TECTA: variants seen among roughly 807,000 people sequenced by gnomAD.
The protein encoded by TECTA is tectorin alpha, also known as alpha-tectorin.
Under a neutral mutation model 216.8 loss-of-function variants are expected in TECTA, and 128 were observed. That is an observed-to-expected ratio of 0.59 (90% CI 0.51 to 0.68). The LOEUF (loss-of-function observed/expected upper bound fraction) is 0.68, where lower values mean the gene tolerates loss of function less well. Among genes scored for constraint, TECTA ranks in the 30% least tolerant of loss-of-function variants. The pLI is 0.00. For missense variants in TECTA, 2,551 were observed against 2,786.2 expected (o/e 0.92, Z 1.90); for synonymous variants, 1,089 against 1,117.1 (o/e 0.97, Z 0.50).
At position 121,178,517 on chromosome 11, in the gene TECTA, A is replaced by AGTGTGTGTGTGTGT. The variant is rs3222565; in HGVS notation, c.6000-9283_6000-9270dup. On this transcript the variant is annotated intron_variant, in intron 20 of 23. Transcript: ENST00000392793. ...TATGTTTAGATATTGGCTTGTAGTT[A>AGTGTGTGTGTGTGT]GTGTGTGTGTGTGTGTGTGTGTGTG... Among the ~76,000 whole-genome samples the AGTGTGTGTGTGTGT allele has an allele frequency of 4.1e-3, 527 of 127,260 alleles. 5 individuals carry two copies. Among genetic ancestry groups the AGTGTGTGTGTGTGT allele is most frequent in the Non-Finnish European group, 5.8e-3 (347 of 60,006 alleles). The allele number at this position is 127,260 out of a possible 152,430, so 83.5% of individuals were successfully genotyped here.
Position 121,106,221 on chromosome 11 carries a change from G to A in TECTA, c.198+257G>A, listed in dbSNP as rs560564439. 4.6e-5 allele frequency among the ~76,000 whole-genome samples: 7 copies of A among 152,264 alleles called. No individual in the cohort carries two copies. In the East Asian group the frequency reaches 1.3e-3, roughly 29 times the overall value. Reference sequence around the variant, plus strand: ...TTTGTCAGTGATTAAACATAGAAGTGAAGCAGAAGCCCCAATGCCATGAAT... The same window carrying A: ...TTTGTCAGTGATTAAACATAGAAGTAAAGCAGAAGCCCCAATGCCATGAAT... On this transcript the variant is annotated intron_variant, in intron 3 of 23. Coordinates refer to ENST00000392793, the MANE Select transcript of TECTA (RefSeq NM_005422.4).
At chr11:121,103,533 G>A (rs1056655726) in intron 2 of TECTA, among the ~76,000 whole-genome samples, 1 of 151,832 alleles carries the variant, frequency 6.6e-6, no homozygotes, top group Non-Finnish European at 1.5e-5. Flanking sequence ...GAGGGCCCTT[G>A]ACTTCAACCT....
chr11:121,170,217 G>C (rs978381148), intron 20 of TECTA, among the ~76,000 whole-genome samples: 2 of 152,106 alleles, frequency 1.3e-5, no homozygotes, highest in African/African-American at 4.8e-5. Flanking sequence ...GTATTCCCTT[G>C]TGTATATATA....
chr11:121,181,344 T>C (rs537976555), intron 20 of TECTA, among the ~76,000 whole-genome samples: 21 of 152,222 alleles, frequency 1.4e-4, no homozygotes, highest in African/African-American at 4.3e-4. Flanking sequence ...TTGTATTGTT[T>C]ATTTGTGTTT....
Position 121,113,270 on chromosome 11 carries a change from G to C in TECTA, c.624+61G>C. 1.2e-6 allele frequency: 2 copies of C among 1,611,434 alleles called. No homozygotes were observed. On this transcript the variant is annotated intron_variant, in intron 5 of 23. Coordinates refer to ENST00000392793, the MANE Select transcript of TECTA (RefSeq NM_005422.4). The surrounding 1 kb of genome is among the most constrained non-coding windows in gnomAD (Gnocchi z 4.2). ...CGTCGCTGCACTCTCTGCTTCTGTG[G>C]CTCAGCATCCTGGAGGGAATCCTGC...
intron 4 of TECTA, among the ~76,000 whole-genome samples, chr11:121,111,660 G>A (rs1434318958): frequency 6.6e-6 from 1 of 152,174 alleles, no homozygotes; most frequent in Non-Finnish European, 1.5e-5. Context: ...CCTTCTGAAG[G>A]AGAATCTTGG....
At chr11:121,133,059 C>T (rs1348493774) in intron 10 of TECTA, among the ~76,000 whole-genome samples, 3 of 152,304 alleles carry the variant, frequency 2.0e-5, no homozygotes, top group South Asian at 4.1e-4. Flanking sequence ...TTTCTTTTAT[C>T]TGAGAGTGAG....
chr11:121,105,793 G>A lies in TECTA; in HGVS notation c.65-38G>A. The stretch of plus-strand genomic sequence containing the variant: ...AGATGTAGATTGCCAAACGGCAGAG[G>A]GAGCTGCCATCTATCTAACCATCAT... On this transcript the variant is annotated intron_variant, in intron 2 of 23. Coordinates refer to ENST00000392793, the MANE Select transcript of TECTA (RefSeq NM_005422.4). This position sits in a 1 kb window ranked among gnomAD's most constrained non-coding sequence, Gnocchi z 5.3. 1 of 1,613,558 alleles carries A rather than the reference G, an allele frequency of 6.2e-7. No homozygotes were observed. Among genetic ancestry groups the A allele is most frequent in the Non-Finnish European group, 8.5e-7 (1 of 1,179,858 alleles).
intron 20 of TECTA, among the ~76,000 whole-genome samples, chr11:121,170,062 A>G (rs1947095775): frequency 6.6e-6 from 1 of 152,104 alleles, no homozygotes; most frequent in Non-Finnish European, 1.5e-5. Context: ...CTTCCATGAA[A>G]TCAACTTTTT....
At position 121,105,936 on chromosome 11, in the gene TECTA, T is replaced by C. The variant is rs1224604977; in HGVS notation, c.170T>C (p.Phe57Ser). 3.7e-6 allele frequency: 6 copies of C among 1,614,220 alleles called. No homozygotes were observed. The highest frequency in any genetic ancestry group is 5.1e-6 in the Non-Finnish European group (6 of 1,180,032). Reference sequence around the variant, plus strand: ...ATTAAGTTGGCCATCCCAGTTTTCTTCTTTGGCGTTCCTTACCGCACTGTC... The same window carrying C: ...ATTAAGTTGGCCATCCCAGTTTTCTCCTTTGGCGTTCCTTACCGCACTGTC... ...SEIKLAIPVF[F>S]FGVPYRTVYV... is the part of the protein sequence containing the mutation. The change falls in exon 3 of 24, where the codon TTC becomes TCC. Residue 57 changes from phenylalanine to serine, a missense_variant. By Grantham distance (155) the Phe-to-Ser change is radical. Coordinates refer to ENST00000392793, the MANE Select transcript of TECTA (RefSeq NM_005422.4). The surrounding 1 kb of genome is among the most constrained non-coding windows in gnomAD (Gnocchi z 5.3).
chr11:121,132,806 G>A (rs1029328907), intron 10 of TECTA, among the ~76,000 whole-genome samples: 4 of 152,140 alleles, frequency 2.6e-5, no homozygotes, highest in African/African-American at 7.2e-5. Context: ...TGCAACCTCT[G>A]CCCCCACCAG....
At chr11:121,172,637 C>G (rs1182286417) in intron 20 of TECTA, among the ~76,000 whole-genome samples, 1 of 150,902 alleles carries the variant, frequency 6.6e-6, no homozygotes, top group Admixed American at 6.6e-5. Context: ...TGAATAGTGC[C>G]GCAATAAACA....
At chr11:121,134,652 C>T (rs570225702) in intron 10 of TECTA, among the ~76,000 whole-genome samples, 44 of 152,182 alleles carry the variant, frequency 2.9e-4, no homozygotes, top group African/African-American at 9.2e-4. Context: ...TGTTTCTGCT[C>T]CCACATTGAG....
intron 11 of TECTA, 104 bp from the exon 12 acceptor site, chr11:121,145,451 A>G: frequency 7.9e-7 from 1 of 1,261,218 alleles, no homozygotes; most frequent in Non-Finnish European, 1.2e-6. Context: ...CAACCTGCTC[A>G]AACTTCCCTC....
Position 121,160,210 on chromosome 11 carries a change from G to C in TECTA, c.4765G>C (p.Val1589Leu), listed in dbSNP as rs1280772718. The C allele has an allele frequency of 6.2e-7, 1 of 1,614,184 alleles. No individual in the cohort carries two copies. Among genetic ancestry groups the C allele is most frequent in the Non-Finnish European group, 8.5e-7 (1 of 1,180,048 alleles). ...TKIYSSEGFL[V>L]IDTSPDIQIY... Reference sequence around the variant, plus strand: ...AATCTACAGCAGTGAGGGGTTTCTGGTGATTGACACCAGCCCAGACATCCA... The same window carrying C: ...AATCTACAGCAGTGAGGGGTTTCTGCTGATTGACACCAGCCCAGACATCCA... The change falls in exon 15 of 24, where the codon GTG (valine) becomes CTG (leucine). Residue 1589 changes from valine (V) to leucine (L), a missense_variant. Transcript: ENST00000392793.
chr11:121,172,241 G>C (rs1384121380), intron 20 of TECTA, among the ~76,000 whole-genome samples: 1 of 151,902 alleles, frequency 6.6e-6, no homozygotes, highest in Non-Finnish European at 1.5e-5. Context: ...ACAATGTGCA[G>C]GTTAGTTACA....
At chr11:121,101,632 C>T (rs1266436697) in intron 1 of TECTA, among the ~76,000 whole-genome samples, 190 bp downstream of exon 1, 1 of 152,196 alleles carries the variant, frequency 6.6e-6, no homozygotes, top group Non-Finnish European at 1.5e-5. Context: ...CTTGAAATTA[C>T]AACATATATA....
Position 121,162,165 on chromosome 11 carries a change from C to CT in TECTA, c.5068dup (p.Tyr1690LeufsTer59), listed in dbSNP as rs1326741679. On this transcript the variant is annotated frameshift_variant, in exon 16 of 24. Coordinates refer to ENST00000392793, the MANE Select transcript of TECTA (RefSeq NM_005422.4). LOFTEE classifies it high-confidence loss of function. ...ACATCCAGAAGATGCAGGGTGATGG[C>CT]TACTGCCTGAAGCTCACCGACATGA... The CT allele has an allele frequency of 6.2e-7, 1 of 1,614,076 alleles. No homozygotes were observed. Among genetic ancestry groups the CT allele is most frequent in the Admixed American group, 1.7e-5 (1 of 60,008 alleles).
At position 121,158,035 on chromosome 11, in the gene TECTA, C is replaced by G; in HGVS notation, c.4500C>G (p.Gly1500=). Residue 1500 remains glycine, a synonymous_variant, in exon 14 of 24, where the codon GGC becomes GGG. Transcript: ENST00000392793. The part of the protein sequence containing the change: ...AGGGVFRTFD[G]AFLRFPANCA... ...GCGGCGTCTTCCGCACCTTCGACGG[C>G]GCCTTCCTGCGCTTCCCAGCCAACT... 1 of 1,613,102 alleles carries G rather than the reference C, an allele frequency of 6.2e-7. No homozygotes were observed. Among genetic ancestry groups the G allele is most frequent in the Non-Finnish European group, 8.5e-7 (1 of 1,179,952 alleles).
Sources: allele counts gnomAD v4.1 joint callset (sites outside exome capture counted in the v4.1 genomes callset), GRCh38; gene constraint gnomAD v4.1.1; non-coding constraint Gnocchi (gnomAD v3.1); transcripts MANE v1.5; gene names NCBI Gene and HGNC (gene_info 2026-07-23, HGNC 2026-07-21).